The following LPP variants were observed in gnomAD, a reference collection of about 807,000 sequenced individuals.
LPP encodes the protein lipoma-preferred partner.
In LPP, 38 loss-of-function variants were observed where a neutral mutation model predicts 60.4. That is an observed-to-expected ratio of 0.63 (90% CI 0.49 to 0.83). LPP has a LOEUF of 0.83. Among genes scored for constraint, LPP ranks in the 40% least tolerant of loss-of-function variants. LPP has a pLI of 0.00. For missense variants in LPP, 902 were observed against 783.6 expected, an observed-to-expected ratio of 1.15 and a Z score of -1.80; for synonymous variants, 328 against 290.8, an observed-to-expected ratio of 1.13 and a Z score of -1.30.
At chr3:188,502,423 G>A (rs1310954779) in intron 5 of LPP, among the ~76,000 whole-genome samples, 1 of 151,318 alleles carries the variant, frequency 6.6e-6, no homozygotes, top group Non-Finnish European at 1.5e-5. Flanking sequence ...CTGATATTTT[G>A]CTAGTCTGCT....
At chr3:188,826,078 C>T (rs2151513366) in intron 9 of LPP, among the ~76,000 whole-genome samples, 1 of 152,300 alleles carries the variant, frequency 6.6e-6, no homozygotes, top group East Asian at 1.9e-4. Context: ...GAGTACAACT[C>T]ATACCGGATA....
At chr3:188,813,023 T>C (rs181860607) in intron 9 of LPP, among the ~76,000 whole-genome samples, 75 of 152,276 alleles carry the variant, frequency 4.9e-4, no homozygotes, top group Admixed American at 4.9e-3. Flanking sequence ...AGCTTCTGTA[T>C]TTCCACTCAC....
chr3:188,648,174 A>G (rs1454694792), intron 7 of LPP, among the ~76,000 whole-genome samples: 2 of 152,182 alleles, frequency 1.3e-5, no homozygotes, highest in Non-Finnish European at 2.9e-5. Flanking sequence ...CACATGATGT[A>G]GTTGACTTTA....
At chr3:188,544,589 A>C (rs1164477059) in intron 6 of LPP, among the ~76,000 whole-genome samples, 2 of 135,518 alleles carry the variant, frequency 1.5e-5, no homozygotes, top group Non-Finnish European at 3.1e-5. Context: ...GCAATCATTA[A>C]AAAGTCAGGA....
intron 2 of LPP, among the ~76,000 whole-genome samples, chr3:188,263,031 C>G (rs748640877): frequency 4.6e-5 from 7 of 151,848 alleles, no homozygotes; most frequent in Non-Finnish European, 1.0e-4. Flanking sequence ...TGTGACTATT[C>G]AGTACATGTA....
chr3:188,259,019 C>G (rs757390368), intron 2 of LPP, among the ~76,000 whole-genome samples: 1 of 152,114 alleles, frequency 6.6e-6, no homozygotes, highest in African/African-American at 2.4e-5. Flanking sequence ...CTTTTGCTGT[C>G]TTCCCTTGTA....
intron 4 of LPP, among the ~76,000 whole-genome samples, chr3:188,453,469 G>A (rs949706862): frequency 2.0e-5 from 3 of 151,990 alleles, no homozygotes; most frequent in Non-Finnish European, 2.9e-5. Flanking sequence ...AATGCCTGGG[G>A]GAATAAGTCC....
chr3:188,234,355 G>T (rs923008157), intron 2 of LPP, among the ~76,000 whole-genome samples: 1 of 152,184 alleles, frequency 6.6e-6, no homozygotes, highest in Non-Finnish European at 1.5e-5. Flanking sequence ...TGATGTGTTG[G>T]TAGTGGTTCC....
chr3:188,582,154 C>CTT (rs10565240), intron 6 of LPP, among the ~76,000 whole-genome samples: 438 of 102,212 alleles, frequency 4.3e-3, no homozygotes, highest in Non-Finnish European at 5.8e-3. Context: ...TTTTCTTTTT[C>CTT]TTTTTTTTTT....
chr3:188,419,045 T>G (rs1450116948), intron 4 of LPP, among the ~76,000 whole-genome samples: 1 of 152,180 alleles, frequency 6.6e-6, no homozygotes, highest in African/African-American at 2.4e-5. Flanking sequence ...AATTACCTCC[T>G]GGGAAAGAAA....
chr3:188,354,123 G>A (rs1474003508), intron 3 of LPP, among the ~76,000 whole-genome samples: 2 of 152,096 alleles, frequency 1.3e-5, no homozygotes, highest in Non-Finnish European at 2.9e-5. Flanking sequence ...GGATTTAGAT[G>A]AGGTTTGTTG....
intron 2 of LPP, among the ~76,000 whole-genome samples, chr3:188,241,003 G>C (rs1270684307): frequency 6.6e-6 from 1 of 152,182 alleles, no homozygotes; most frequent in Admixed American, 6.5e-5. Flanking sequence ...TACGGGGTAT[G>C]TATGCATAGT....
At chr3:188,702,235 C>T (rs1366161328) in intron 7 of LPP, among the ~76,000 whole-genome samples, 1 of 152,046 alleles carries the variant, frequency 6.6e-6, no homozygotes, top group Non-Finnish European at 1.5e-5. Context: ...GGATTATAGG[C>T]GTAAGCCACC....
chr3:188,471,554 G>T (rs1482074833), intron 4 of LPP, among the ~76,000 whole-genome samples: 1 of 152,134 alleles, frequency 6.6e-6, no homozygotes, highest in African/African-American at 2.4e-5. Context: ...TTTGTGATAG[G>T]GAGAATTGTG....
intron 8 of LPP, among the ~76,000 whole-genome samples, chr3:188,742,702 T>G (rs933366167): frequency 1.3e-5 from 2 of 152,100 alleles, no homozygotes; most frequent in African/African-American, 4.8e-5. Flanking sequence ...AGGGAACTTT[T>G]TGGGGTGATG....
chr3:188,839,476 C>T (rs1332245266), intron 9 of LPP, among the ~76,000 whole-genome samples: 2 of 152,164 alleles, frequency 1.3e-5, no homozygotes, highest in Non-Finnish European at 2.9e-5. Context: ...CAAGACTGAG[C>T]TAACACATCT....
At chr3:188,319,808 T>C (rs1437843126) in intron 2 of LPP, among the ~76,000 whole-genome samples, 1 of 152,270 alleles carries the variant, frequency 6.6e-6, no homozygotes, top group African/African-American at 2.4e-5. Context: ...ATATCTTTTA[T>C]TGGCAGTTTT....
chr3:188,829,353 A>G (rs746914089), intron 9 of LPP, among the ~76,000 whole-genome samples: 47 of 152,256 alleles, frequency 3.1e-4, no homozygotes, highest in Non-Finnish European at 4.7e-4. Flanking sequence ...TCAAGTTACT[A>G]TGATCTACAA....
At chr3:188,752,045 T>A (rs1728250683) in intron 8 of LPP, among the ~76,000 whole-genome samples, 1 of 152,200 alleles carries the variant, frequency 6.6e-6, no homozygotes, top group African/African-American at 2.4e-5. Context: ...TCTGTTCTAG[T>A]TGTTATGAGC....
Sources: allele counts gnomAD v4.1 joint callset (sites outside exome capture counted in the v4.1 genomes callset), GRCh38; gene constraint gnomAD v4.1.1; transcripts MANE v1.5; gene names NCBI Gene and HGNC (gene_info 2026-07-23, HGNC 2026-07-21).